Variants in IL20RB observed in about 807,000 individuals in gnomAD.
IL20RB encodes interleukin 20 receptor subunit beta.
Under a neutral mutation model 33.3 loss-of-function variants are expected in IL20RB, and 21 were observed. The observed-to-expected ratio is 0.63, with a 90% CI of 0.45 to 0.91. The LOEUF (loss-of-function observed/expected upper bound fraction) is 0.91. IL20RB is among the 40% of genes least tolerant of loss of function. The pLI, the probability that IL20RB is intolerant of heterozygous loss-of-function variation, is 0.00. For missense variants in IL20RB, 345 were observed against 384.8 expected (o/e 0.90, Z 0.86); for synonymous variants, 147 against 146.8 (o/e 1.00, Z -0.01).
At chr3:136,995,949 A>C (rs570419913) in intron 6 of IL20RB, among the ~76,000 whole-genome samples, 3 of 152,102 alleles carry the variant, frequency 2.0e-5, no homozygotes, top group Non-Finnish European at 4.4e-5. Flanking sequence ...ACATGTTCCA[A>C]CCCAACTTAT....
chr3:136,963,562 A>G (rs1424649352), intron 1 of IL20RB, among the ~76,000 whole-genome samples: 1 of 151,912 alleles, frequency 6.6e-6, no homozygotes, highest in Non-Finnish European at 1.5e-5. Context: ...TTTGCCATCT[A>G]TATATCCTCT....
chr3:137,009,452 T>C (rs1027561658), intron 6 of IL20RB, among the ~76,000 whole-genome samples: 1 of 152,158 alleles, frequency 6.6e-6, no homozygotes, highest in African/African-American at 2.4e-5. Context: ...CTCTCTGTAT[T>C]GGGCACCATG....
chr3:136,987,684 G>C (rs927904379), intron 3 of IL20RB, among the ~76,000 whole-genome samples: 4 of 152,210 alleles, frequency 2.6e-5, no homozygotes, highest in Admixed American at 6.5e-5. Flanking sequence ...GCCCATGGAG[G>C]GGGTGGGAGG....
chr3:137,002,902 G>A, intron 6 of IL20RB, among the ~76,000 whole-genome samples: 1 of 152,114 alleles, frequency 6.6e-6, no homozygotes. Flanking sequence ...TATGGCTTTA[G>A]GTCTAACATT....
intron 1 of IL20RB, among the ~76,000 whole-genome samples, chr3:136,958,629 C>G (rs957505215): frequency 6.6e-6 from 1 of 152,120 alleles, no homozygotes; most frequent in African/African-American, 2.4e-5. Context: ...ACATTGGATA[C>G]GAGACTTATA....
At chr3:136,989,670 A>G in intron 4 of IL20RB, 105 bp downstream of exon 4, 1 of 1,305,114 alleles carries the variant, frequency 7.7e-7, no homozygotes, top group Non-Finnish European at 1.1e-6. Context: ...TGACCTGGGG[A>G]TGAGCAGTCC....
chr3:136,977,133 G>A (rs1001363732), intron 1 of IL20RB, among the ~76,000 whole-genome samples: 5 of 152,132 alleles, frequency 3.3e-5, no homozygotes, highest in Non-Finnish European at 7.4e-5. Context: ...AAGTGTGACT[G>A]TATATACATG....
intron 3 of IL20RB, chr3:136,986,631 T>C (rs1276478585): frequency 2.2e-6 from 1 of 456,032 alleles, no homozygotes; most frequent in Non-Finnish European, 4.4e-6. Context: ...CAAGCAGGCA[T>C]AAACACTTCT....
intron 1 of IL20RB, among the ~76,000 whole-genome samples, chr3:136,962,619 G>A (rs1941252188): frequency 6.6e-6 from 1 of 152,004 alleles, no homozygotes; most frequent in Non-Finnish European, 1.5e-5. Context: ...AAGTATGGTG[G>A]TGGGCGCCTG....
intron 1 of IL20RB, among the ~76,000 whole-genome samples, chr3:136,973,817 C>A (rs1941550251): frequency 6.6e-6 from 1 of 151,800 alleles, no homozygotes; most frequent in Non-Finnish European, 1.5e-5. Flanking sequence ...TATATAGTAA[C>A]CTTCTTTGTC....
At chr3:136,971,016 T>C (rs189944096) in intron 1 of IL20RB, among the ~76,000 whole-genome samples, 66 of 152,332 alleles carry the variant, frequency 4.3e-4, no homozygotes, top group African/African-American at 1.5e-3. Context: ...ATATAATGTA[T>C]AGTGATAAAT....
At chr3:136,958,237 C>T in intron 1 of IL20RB, 36 bp downstream of exon 1, 2 of 1,360,510 alleles carry the variant, frequency 1.5e-6, no homozygotes, top group Non-Finnish European at 2.1e-6. Context: ...ATAGTTTGGG[C>T]CTTGAATATA....
At chr3:137,006,501 A>G (rs1431244935) in intron 6 of IL20RB, among the ~76,000 whole-genome samples, 1 of 150,712 alleles carries the variant, frequency 6.6e-6, no homozygotes, top group Non-Finnish European at 1.5e-5. Context: ...TTGTTTTCTC[A>G]CTTTATTTCA....
chr3:137,003,159 T>C (rs1942280543), intron 6 of IL20RB, among the ~76,000 whole-genome samples: 1 of 152,188 alleles, frequency 6.6e-6, no homozygotes, highest in Non-Finnish European at 1.5e-5. Context: ...ACCATGCTGT[T>C]TTGGTTACTG....
intron 3 of IL20RB, among the ~76,000 whole-genome samples, chr3:136,986,530 G>T (rs537331705): frequency 1.1e-4 from 16 of 152,290 alleles, no homozygotes; most frequent in African/African-American, 3.8e-4. Flanking sequence ...GTGGTGCTAT[G>T]TGGTCATATG....
At chr3:136,981,265 T>TTTAAATTAAATTACATTAAATTAAA (rs1941766365) in intron 2 of IL20RB, among the ~76,000 whole-genome samples, 3 of 146,424 alleles carry the variant, frequency 2.0e-5, no homozygotes, top group Non-Finnish European at 4.5e-5. Flanking sequence ...GCTATTTAAA[T>TTTAAATTAAATTACATTAAATTAAA]TTAAATTAAA....
intron 2 of IL20RB, among the ~76,000 whole-genome samples, chr3:136,981,265 T>TTTAAATTAAATTAAATTAAA (rs3054095): frequency 0.19 from 28,101 of 146,240 alleles, 3,246 homozygotes; most frequent in East Asian, 0.39. Context: ...GCTATTTAAA[T>TTTAAATTAAATTAAATTAAA]TTAAATTAAA....
At chr3:137,008,072 C>T (rs1256522194) in intron 6 of IL20RB, among the ~76,000 whole-genome samples, 1 of 152,160 alleles carries the variant, frequency 6.6e-6, no homozygotes, top group Non-Finnish European at 1.5e-5. Flanking sequence ...TGCTTTGGTG[C>T]TGAAGGGTCT....
rs375204094 is a variant in IL20RB, at chr3:136,976,137, C to A, written c.89-4329C>A. 2.6e-5 allele frequency among the ~76,000 whole-genome samples: 4 copies of A among 152,296 alleles called. No individual in the cohort carries two copies. In the East Asian group the frequency reaches 7.7e-4, roughly 29 times the overall value. ...TGAGAGTTTAGGCCCAACCTCAGGA[C>A]CCCAGAAGGAGTACTAAGGTGCCCA... On this transcript the variant is annotated intron_variant, in intron 1 of 6. Transcript: ENST00000329582.
Sources: gnomAD v4.1 joint callset for allele counts (sites outside exome capture counted in the v4.1 genomes callset) on GRCh38, gnomAD v4.1.1 for gene constraint, MANE v1.5 for transcripts, NCBI Gene and HGNC (gene_info 2026-07-23, HGNC 2026-07-21) for gene names.